The following FSTL5 variants were observed in gnomAD, a reference collection of about 807,000 sequenced individuals.
FSTL5 encodes follistatin like 5.
Under a neutral mutation model 89.1 loss-of-function variants are expected in FSTL5, and 62 were observed. The observed-to-expected ratio is 0.70, with a 90% CI of 0.57 to 0.86. FSTL5 has a LOEUF of 0.86. Among genes scored for constraint, FSTL5 ranks in the 40% least tolerant of loss-of-function variants. The pLI is 0.00. For synonymous variants in FSTL5, 383 were observed against 346.2 expected, an observed-to-expected ratio of 1.11 and a Z score of -1.18; for missense variants, 1,057 against 1,001.6, an observed-to-expected ratio of 1.06 and a Z score of -0.75.
At chr4:161,572,055 A>G (rs1297485441) in intron 8 of FSTL5, among the ~76,000 whole-genome samples, 2 of 152,058 alleles carry the variant, frequency 1.3e-5, no homozygotes, top group Non-Finnish European at 2.9e-5. Context: ...CGCACCTGTA[A>G]TTCCAGCACT....
intron 8 of FSTL5, among the ~76,000 whole-genome samples, chr4:161,577,890 T>G (rs1294753054): frequency 6.6e-6 from 1 of 152,076 alleles, no homozygotes; most frequent in East Asian, 1.9e-4. Context: ...CTAGGGAGAC[T>G]TCATAAAACA....
chr4:161,460,484 A>C (rs1404169446), intron 13 of FSTL5, among the ~76,000 whole-genome samples: 1 of 91,370 alleles, frequency 1.1e-5, no homozygotes, highest in Admixed American at 1.5e-4. Context: ...TGAGGGATGA[A>C]GCTAGAAACC....
chr4:161,833,925 T>C (rs1313659210), intron 4 of FSTL5, among the ~76,000 whole-genome samples: 2 of 152,266 alleles, frequency 1.3e-5, no homozygotes, highest in East Asian at 3.9e-4. Context: ...CCTGTCATTA[T>C]GATGTTAGCT....
intron 15 of FSTL5, among the ~76,000 whole-genome samples, chr4:161,421,176 T>G (rs1731978271): frequency 6.6e-6 from 1 of 151,874 alleles, no homozygotes. Context: ...CCAACTCTAC[T>G]AAAAATACAA....
intron 3 of FSTL5, among the ~76,000 whole-genome samples, chr4:161,987,147 A>G (rs556521643): frequency 3.3e-5 from 5 of 152,176 alleles, no homozygotes; most frequent in South Asian, 2.1e-4. Flanking sequence ...GTCTTATCAA[A>G]CCTAATCCAC....
At chr4:161,564,619 AATG>A (rs1355444495) in intron 8 of FSTL5, among the ~76,000 whole-genome samples, 1 of 151,512 alleles carries the variant, frequency 6.6e-6, no homozygotes, top group Non-Finnish European at 1.5e-5. Flanking sequence ...TCACTTTCAA[AATG>A]ATACTTATAA....
At chr4:161,642,964 A>G (rs1736017034) in intron 7 of FSTL5, among the ~76,000 whole-genome samples, 1 of 152,200 alleles carries the variant, frequency 6.6e-6, no homozygotes, top group South Asian at 2.1e-4. Context: ...TGCTATGTGT[A>G]TTCAACCACA....
At chr4:161,604,756 T>A (rs1470554679) in intron 7 of FSTL5, among the ~76,000 whole-genome samples, 2 of 152,142 alleles carry the variant, frequency 1.3e-5, no homozygotes, top group Non-Finnish European at 2.9e-5. Flanking sequence ...TGCTGTAAAC[T>A]GCTTTTTATC....
intron 2 of FSTL5, among the ~76,000 whole-genome samples, chr4:162,104,166 G>A (rs1047570437): frequency 2.0e-4 from 30 of 152,200 alleles, no homozygotes; most frequent in African/African-American, 7.0e-4. Flanking sequence ...CCAGCGAGGC[G>A]CCTATTGCCA....
chr4:161,444,725 A>C (rs1006550730), intron 15 of FSTL5, among the ~76,000 whole-genome samples: 1 of 151,656 alleles, frequency 6.6e-6, no homozygotes, highest in African/African-American at 2.4e-5. Flanking sequence ...AAATGGGATA[A>C]AAGGGAGTGT....
At chr4:161,588,630 G>C (rs985487911) in intron 7 of FSTL5, among the ~76,000 whole-genome samples, 5 of 152,054 alleles carry the variant, frequency 3.3e-5, no homozygotes, top group African/African-American at 1.2e-4. Flanking sequence ...ATTTTTTTCA[G>C]AATTCTGGAA....
chr4:162,143,782 A>C (rs1023346465), intron 1 of FSTL5, among the ~76,000 whole-genome samples: 1 of 55,634 alleles, frequency 1.8e-5, no homozygotes, highest in Admixed American at 2.7e-4. Flanking sequence ...ATCTGACTTT[A>C]AATACACACA....
At chr4:161,755,095 CTT>C (rs1740525307) in intron 6 of FSTL5, among the ~76,000 whole-genome samples, 1 of 151,984 alleles carries the variant, frequency 6.6e-6, no homozygotes, top group Admixed American at 6.6e-5. Flanking sequence ...TGTCACTAAA[CTT>C]ATTATTTATT....
At chr4:162,087,166 T>TAA (rs1179913919) in intron 2 of FSTL5, among the ~76,000 whole-genome samples, 1 of 152,040 alleles carries the variant, frequency 6.6e-6, no homozygotes, top group Non-Finnish European at 1.5e-5. Flanking sequence ...CAAAAGGAAA[T>TAA]AAACCAAACT....
intron 15 of FSTL5, among the ~76,000 whole-genome samples, chr4:161,441,570 CA>C (rs1732763137): frequency 6.6e-6 from 1 of 151,940 alleles, no homozygotes; most frequent in African/African-American, 2.4e-5. Context: ...GGCTTTGAAC[CA>C]GGGAAAATTT....
At chr4:161,919,631 T>G (rs932677694) in intron 4 of FSTL5, among the ~76,000 whole-genome samples, 2 of 152,094 alleles carry the variant, frequency 1.3e-5, no homozygotes, top group African/African-American at 4.8e-5. Context: ...GTCAGATTAA[T>G]TATTGATGGA....
chr4:161,792,685 G>T (rs2126821768), intron 4 of FSTL5, among the ~76,000 whole-genome samples: 1 of 152,228 alleles, frequency 6.6e-6, no homozygotes, highest in South Asian at 2.1e-4. Context: ...AGGGCTGCAG[G>T]CTCGATGGGA....
intron 4 of FSTL5, among the ~76,000 whole-genome samples, chr4:161,821,063 A>C (rs961290082): frequency 7.2e-5 from 11 of 152,234 alleles, no homozygotes; most frequent in African/African-American, 2.6e-4. Flanking sequence ...TTTGACACAG[A>C]GTCTCATTCT....
intron 8 of FSTL5, among the ~76,000 whole-genome samples, chr4:161,555,963 C>G (rs952835793): frequency 6.6e-6 from 1 of 151,526 alleles, no homozygotes. Flanking sequence ...TGTTTCAACA[C>G]GCAAGAAAAC....
Sources: allele counts gnomAD v4.1 joint callset (sites outside exome capture counted in the v4.1 genomes callset), GRCh38; gene constraint gnomAD v4.1.1; transcripts MANE v1.5; gene names NCBI Gene and HGNC (gene_info 2026-07-23, HGNC 2026-07-21).